FAM135A: variants seen among roughly 807,000 people sequenced by gnomAD.
FAM135A encodes the protein family with sequence similarity 135 member A.
A neutral mutation model predicts 146.8 loss-of-function variants in FAM135A; 79 were observed. The ratio of observed to expected loss-of-function variants is 0.54; its 90% CI spans 0.45 to 0.65. The LOEUF is 0.65. FAM135A is among the 30% of genes least tolerant of loss of function. The probability of loss-of-function intolerance (pLI) is 0.00; values close to 1 mark genes in which losing one functional copy is unlikely to be tolerated. For missense variants in FAM135A, 1,623 were observed against 1,758.2 expected (o/e 0.92, Z 1.38); for synonymous variants, 562 against 603.6 (o/e 0.93, Z 1.01).
Position 70,481,006 on chromosome 6 carries a change from C to A in FAM135A, c.648C>A (p.Tyr216Ter). 6.2e-7 allele frequency: 1 copy of A among 1,608,504 alleles called. No individual in the cohort carries two copies. The highest frequency in any genetic ancestry group is 8.5e-7 in the Non-Finnish European group (1 of 1,177,466). The change falls in exon 9 of 22, where the codon TAC (tyrosine) becomes TAA (stop). Residue 216 changes from tyrosine to a stop codon, truncating the protein, a stop_gained. Coordinates refer to ENST00000418814, the MANE Select transcript of FAM135A (RefSeq NM_001162529.3). LOFTEE classifies it high-confidence loss of function. ...TLESVVFGIN[Y>*]TKQLSPDGCS... is the part of the protein sequence containing the mutation. ...AAAGTGTGGTCTTTGGTATTAACTA[C>A]ACAAAACAGTTATCACCAGATGTAA... is the stretch of plus-strand genomic sequence containing the variant.
intron 5 of FAM135A, among the ~76,000 whole-genome samples, chr6:70,470,231 G>C (rs951336519): frequency 1.3e-5 from 2 of 152,194 alleles, no homozygotes; most frequent in African/African-American, 2.4e-5. Flanking sequence ...CCACAACTTA[G>C]TTTAAAACAG....
intron 20 of FAM135A, among the ~76,000 whole-genome samples, chr6:70,543,264 C>T (rs981034738): frequency 1.3e-5 from 2 of 152,200 alleles, no homozygotes; most frequent in African/African-American, 2.4e-5. Context: ...TTTAAACCTA[C>T]ATCTGTTCTT....
At chr6:70,553,160 C>T (rs1800170367) in intron 20 of FAM135A, among the ~76,000 whole-genome samples, 1 of 152,146 alleles carries the variant, frequency 6.6e-6, no homozygotes, top group Admixed American at 6.5e-5. Context: ...TTGCTCCCCC[C>T]AGCAGAGGAG....
Position 70,514,644 on chromosome 6 carries a change from G to T in FAM135A, c.1030-7869G>T, listed in dbSNP as rs190881328. On this transcript the variant is annotated intron_variant, in intron 12 of 21. Coordinates refer to ENST00000418814, the MANE Select transcript of FAM135A (RefSeq NM_001162529.3). ...AGTTACAGAGAATCCCATCTTAATGGAACAAAAACCCATGAACAGAAATCA... is the reference window on the plus strand; with the variant it reads ...AGTTACAGAGAATCCCATCTTAATGTAACAAAAACCCATGAACAGAAATCA... Among the ~76,000 whole-genome samples the T allele has an allele frequency of 9.2e-5, 14 of 152,240 alleles. No individual in the cohort carries two copies. In the East Asian group the frequency reaches 2.5e-3, roughly 27 times the overall value.
rs184418598 is a variant in FAM135A at position 70,463,574 on chromosome 6, T to G, written c.157+11003T>G. Among the ~76,000 whole-genome samples, 6 of 152,298 alleles carry G rather than the reference T, an allele frequency of 3.9e-5. No individual in the cohort carries two copies. In the East Asian group the frequency reaches 1.2e-3, roughly 29 times the overall value. ...CACTCCTGGCCCATAGCATTTTCTA[T>G]GTACCTCTTTTAGCTTATGTTGTTA... On this transcript the variant is annotated intron_variant, in intron 5 of 21. Transcript: ENST00000418814.
At chr6:70,472,003 G>C (rs1310973836) in intron 5 of FAM135A, among the ~76,000 whole-genome samples, 1 of 152,130 alleles carries the variant, frequency 6.6e-6, no homozygotes, top group African/African-American at 2.4e-5. Context: ...GGTTTATAGA[G>C]TACAAAAATG....
chr6:70,459,353 T>G (rs1174826599), intron 5 of FAM135A, among the ~76,000 whole-genome samples: 1 of 152,218 alleles, frequency 6.6e-6, no homozygotes, highest in Non-Finnish European at 1.5e-5. Context: ...AATTAGATAG[T>G]ATTATACAGC....
intron 1 of FAM135A, among the ~76,000 whole-genome samples, chr6:70,414,819 A>G (rs1191176235): frequency 6.6e-6 from 1 of 152,254 alleles, no homozygotes; most frequent in Non-Finnish European, 1.5e-5. Context: ...CAACTTGAGT[A>G]CAGACTAAAT....
intron 10 of FAM135A, among the ~76,000 whole-genome samples, chr6:70,487,269 G>A (rs991568742): frequency 6.6e-6 from 1 of 151,754 alleles, no homozygotes; most frequent in Non-Finnish European, 1.5e-5. Flanking sequence ...TGTTATGCAT[G>A]GTAAAGGAAA....
intron 20 of FAM135A, among the ~76,000 whole-genome samples, chr6:70,541,705 T>C (rs933731626): frequency 2.0e-5 from 3 of 152,178 alleles, no homozygotes; most frequent in East Asian, 1.9e-4. Flanking sequence ...TCTAGACTTA[T>C]ACACCTAGAG....
At chr6:70,475,914 T>C (rs761096406) in intron 7 of FAM135A, among the ~76,000 whole-genome samples, 181 bp downstream of exon 7, 1 of 152,216 alleles carries the variant, frequency 6.6e-6, no homozygotes, top group Non-Finnish European at 1.5e-5. Context: ...GCCGAATCCA[T>C]GAGCTCCAGA....
chr6:70,549,930 C>A (rs908594011), intron 20 of FAM135A, among the ~76,000 whole-genome samples: 1 of 152,154 alleles, frequency 6.6e-6, no homozygotes, highest in Non-Finnish European at 1.5e-5. Context: ...TATTCCAAGT[C>A]TTTTGTTGTC....
rs532205275 is a variant in FAM135A at position 70,500,277 on chromosome 6, A to G, written c.874-2359A>G. Among the ~76,000 whole-genome samples, 17 of 152,096 alleles carry G rather than the reference A, an allele frequency of 1.1e-4. No individual in the cohort carries two copies. In the South Asian group the frequency reaches 2.3e-3, roughly 20 times the overall value. ...TTTCTTCAGCTTCATCGATTTGGCT[A>G]TTGATATTTGTGTATGCTTCATGAA... On this transcript the variant is annotated intron_variant, in intron 11 of 21. Coordinates refer to ENST00000418814, the MANE Select transcript of FAM135A (RefSeq NM_001162529.3).
At chr6:70,435,245 C>A (rs529080563) in intron 4 of FAM135A, among the ~76,000 whole-genome samples, 1 of 151,552 alleles carries the variant, frequency 6.6e-6, no homozygotes, top group Non-Finnish European at 1.5e-5. Flanking sequence ...GCTGGGATTA[C>A]AGGTGCCTGC....
At chr6:70,425,746 C>G (rs142533635) in intron 2 of FAM135A, among the ~76,000 whole-genome samples, 2 of 152,198 alleles carry the variant, frequency 1.3e-5, no homozygotes, top group Admixed American at 1.3e-4. Flanking sequence ...CATACATGCA[C>G]ACACATACAT....
At position 70,491,071 on chromosome 6, in the gene FAM135A, TGAA is replaced by T. The variant is rs1785828457; in HGVS notation, c.866_868del (p.Glu289del). On this transcript the variant is annotated inframe_deletion, in exon 11 of 22. Transcript: ENST00000418814. ...TAGAAGCTCGACTTACTGAACTATG[TGAA>T]GAAGTTAAGGTACTTGGATTTTTTA... 6.2e-7 allele frequency: 1 copy of T among 1,603,802 alleles called. No individual in the cohort carries two copies.
chr6:70,474,953 C>CATA (rs888713640), intron 5 of FAM135A, among the ~76,000 whole-genome samples: 2 of 152,142 alleles, frequency 1.3e-5, no homozygotes, highest in African/African-American at 4.8e-5. Flanking sequence ...ATCTCTTTAG[C>CATA]ATAAACTAGG....
intron 4 of FAM135A, among the ~76,000 whole-genome samples, chr6:70,446,867 C>T (rs1378881761): frequency 1.3e-5 from 2 of 152,206 alleles, no homozygotes; most frequent in Non-Finnish European, 2.9e-5. Context: ...CCATTTCATG[C>T]ATCATATGTT....
chr6:70,550,091 A>C lies in FAM135A; in HGVS notation c.4229-6659A>C, dbSNP rs189996495. Among the ~76,000 whole-genome samples, 4 of 152,320 alleles carry C rather than the reference A, an allele frequency of 2.6e-5. No homozygotes were observed. The East Asian group carries it at 7.7e-4, about 29-fold the overall frequency. ...AGTCACATCTTCAGGCTCCACTTCT[A>C]ATTGTAGTTCTCTTGCTATTTCCAC... On this transcript the variant is annotated intron_variant, in intron 20 of 21. Transcript: ENST00000418814.
Sources: gnomAD v4.1 joint callset for allele counts (sites outside exome capture counted in the v4.1 genomes callset) on GRCh38, gnomAD v4.1.1 for gene constraint, MANE v1.5 for transcripts, NCBI Gene and HGNC (gene_info 2026-07-23, HGNC 2026-07-21) for gene names.